The following ADGRB1 variants were observed in gnomAD, a reference collection of about 807,000 sequenced individuals.
ADGRB1 encodes adhesion G protein-coupled receptor B1, also known as brain-specific angiogenesis inhibitor 1.
Under a neutral mutation model 175.7 loss-of-function variants are expected in ADGRB1, and 36 were observed. The ratio of observed to expected loss-of-function variants is 0.20; its 90% CI spans 0.16 to 0.27. The LOEUF (loss-of-function observed/expected upper bound fraction) is 0.27. Ranked by LOEUF, ADGRB1 falls within the 10% of genes least tolerant of loss-of-function variation. The probability of loss-of-function intolerance (pLI) is 1.00; values close to 1 mark genes in which losing one functional copy is unlikely to be tolerated. For missense variants in ADGRB1, 1,731 were observed against 2,255.3 expected, an observed-to-expected ratio of 0.77 and a Z score of 4.71; for synonymous variants, 1,054 against 979.4, an observed-to-expected ratio of 1.08 and a Z score of -1.42.
Position 142,537,820 on chromosome 8 carries a change from A to G in ADGRB1, c.3666+738A>G, listed in dbSNP as rs569495383. ...CCCAACAGCCCCCTGTGGAGCCTCA[A>G]CTCTTCCACACCTCGACCTCAGCAT... On this transcript the variant is annotated intron_variant, in intron 26 of 30. Coordinates refer to ENST00000517894, the MANE Select transcript of ADGRB1 (RefSeq NM_001702.3). This position sits in a 1 kb window ranked among gnomAD's most constrained non-coding sequence, Gnocchi z 4.6. 4.6e-5 allele frequency among the ~76,000 whole-genome samples: 7 copies of G among 151,886 alleles called. No individual in the cohort carries two copies. In the South Asian group the frequency reaches 1.3e-3, roughly 27 times the overall value.
intron 2 of ADGRB1, among the ~76,000 whole-genome samples, chr8:142,467,087 G>A (rs941679160): frequency 6.6e-6 from 1 of 152,226 alleles, no homozygotes; most frequent in African/African-American, 2.4e-5. Context: ...CGCGTGGAGA[G>A]GCTGGGGCAC....
chr8:142,543,819 C>T lies in ADGRB1; in HGVS notation c.4557+111C>T, dbSNP rs1024359619. 6.4e-6 allele frequency: 7 copies of T among 1,101,410 alleles called. No individual in the cohort carries two copies. Among genetic ancestry groups the T allele is most frequent in the Admixed American group, 2.0e-5 (1 of 49,412 alleles). 68.2% of individuals were successfully genotyped at this position (1,101,410 alleles called of 1,614,324 possible). A position where few individuals can be genotyped will look rare whatever the true frequency, so the allele number is the denominator to read the frequency against. On this transcript the variant is annotated intron_variant, in intron 30 of 30. Transcript: ENST00000517894. This position sits in a 1 kb window ranked among gnomAD's most constrained non-coding sequence, Gnocchi z 4.4. The stretch of plus-strand genomic sequence containing the variant: ...CCATCCATCCATCCATCCATCCATT[C>T]GTTCATTCATTCATTCATTCGCCCA...
At chr8:142,463,261 C>T (rs1420158233) in intron 1 of ADGRB1, among the ~76,000 whole-genome samples, 1 of 152,202 alleles carries the variant, frequency 6.6e-6, no homozygotes, top group East Asian at 1.9e-4. Context: ...AAGAGAGCTT[C>T]CTGGCAGGAG....
chr8:142,516,462 G>A (rs1843442086), intron 18 of ADGRB1, among the ~76,000 whole-genome samples: 1 of 146,058 alleles, frequency 6.8e-6, no homozygotes, highest in Admixed American at 6.8e-5. Context: ...GTCTGTGCGG[G>A]CCCCAGATGT....
intron 1 of ADGRB1, among the ~76,000 whole-genome samples, chr8:142,456,820 G>A (rs1254958050): frequency 6.6e-6 from 1 of 152,268 alleles, no homozygotes; most frequent in Non-Finnish European, 1.5e-5. Flanking sequence ...CTCCTCTCAG[G>A]GGTCCTCGAG....
chr8:142,543,448 G>C lies in ADGRB1; in HGVS notation c.4449+10G>C. ...AGAACTGGACTTTGAGGTGAGTTCT[G>C]GTGTCCCCCCCCACCAGACACTTAG... On this transcript the variant is annotated intron_variant, in intron 29 of 30. Transcript: ENST00000517894. This position sits in a 1 kb window ranked among gnomAD's most constrained non-coding sequence, Gnocchi z 4.4. 6.2e-7 allele frequency: 1 copy of C among 1,613,642 alleles called. No individual in the cohort carries two copies. The highest frequency in any genetic ancestry group is 8.5e-7 in the Non-Finnish European group (1 of 1,179,754).
At chr8:142,539,147 C>T (rs1030646765) in intron 26 of ADGRB1, among the ~76,000 whole-genome samples, 4 of 152,202 alleles carry the variant, frequency 2.6e-5, no homozygotes, top group African/African-American at 4.8e-5. Context: ...TCCACAAACA[C>T]GCACGCATAC....
intron 24 of ADGRB1, among the ~76,000 whole-genome samples, chr8:142,530,104 TGC>T (rs1481815159): frequency 6.6e-6 from 1 of 152,020 alleles, no homozygotes; most frequent in Admixed American, 6.5e-5. Flanking sequence ...CTTGATATTT[TGC>T]GTTAGTGTGT....
chr8:142,521,764 C>T (rs2132130782), intron 20 of ADGRB1, among the ~76,000 whole-genome samples: 1 of 152,344 alleles, frequency 6.6e-6, no homozygotes, highest in East Asian at 1.9e-4. Context: ...ATCTGTTTGT[C>T]CCAACGGGGC....
In ADGRB1 at chr8:142,542,486, C is replaced by T; in HGVS notation, c.4252C>T (p.Pro1418Ser). 1 of 1,331,472 alleles carries T rather than the reference C, an allele frequency of 7.5e-7. No homozygotes were observed. The highest frequency in any genetic ancestry group is 9.8e-7 in the Non-Finnish European group (1 of 1,025,052). 82.5% of individuals were successfully genotyped at this position (1,331,472 alleles called of 1,614,324 possible). ...CCAGCCCCCACCGCCTCCGCCCCCA[C>T]CGCCACCACCTCCCCAGCAGCCCCT... ...PAQPPPPPPP[P>S]PPPPQQPLPP... The change falls in exon 28 of 31, where the codon CCG becomes TCG. Residue 1418 changes from proline to serine, a missense_variant. This residue lies in a region of ADGRB1 where 394 missense variants were observed against 410.2 expected (regional missense o/e 0.96). Transcript: ENST00000517894. The surrounding 1 kb of genome is among the most constrained non-coding windows in gnomAD (Gnocchi z 6.3).
chr8:142,511,058 G>A lies in ADGRB1; in HGVS notation c.2802G>A (p.Gln934=), dbSNP rs1389867026. 3 of 1,228,844 alleles carry A rather than the reference G, an allele frequency of 2.4e-6. No individual in the cohort carries two copies. The highest frequency in any genetic ancestry group is 9.5e-5 in the East Asian group (2 of 21,052). The allele number at this position is 1,228,844 out of a possible 1,614,324, so 76.1% of individuals were successfully genotyped here. A position where few individuals can be genotyped will look rare whatever the true frequency, so the allele number is the denominator to read the frequency against. ...DRLSTFAILA[Q]LSADANMEKA... The stretch of plus-strand genomic sequence containing the variant: ...TCTCCACCTTCGCCATCTTAGCCCA[G>A]CTCAGCGCCGACGCGGTGAGACCCC... The change falls in exon 18 of 31, where the codon CAG becomes CAA. Residue 934 remains glutamine, a synonymous_variant. Coordinates refer to ENST00000517894, the MANE Select transcript of ADGRB1 (RefSeq NM_001702.3). This position sits in a 1 kb window ranked among gnomAD's most constrained non-coding sequence, Gnocchi z 4.5.
chr8:142,506,786 A>C (rs866341848), intron 17 of ADGRB1, among the ~76,000 whole-genome samples: 1 of 152,212 alleles, frequency 6.6e-6, no homozygotes, highest in Middle Eastern at 3.2e-3. Flanking sequence ...CATGCATCCA[A>C]GATGCACACA....
At chr8:142,479,541 C>A (rs1270033321) in intron 8 of ADGRB1, 54 bp downstream of exon 8, 3 of 1,505,504 alleles carry the variant, frequency 2.0e-6, no homozygotes, top group African/African-American at 2.8e-5. Flanking sequence ...GGCGATTGGG[C>A]GGGCTTGGGC....
intron 1 of ADGRB1, among the ~76,000 whole-genome samples, chr8:142,461,996 T>C (rs1231601862): frequency 1.3e-5 from 2 of 151,896 alleles, no homozygotes; most frequent in Admixed American, 6.6e-5. Context: ...AGCCGCTCCC[T>C]CTCCATGAGA....
At chr8:142,497,106 T>C (rs530302849) in intron 17 of ADGRB1, among the ~76,000 whole-genome samples, 4 of 152,346 alleles carry the variant, frequency 2.6e-5, no homozygotes, top group African/African-American at 9.6e-5. Context: ...CTCACACGTC[T>C]TTATTAACCG....
intron 2 of ADGRB1, among the ~76,000 whole-genome samples, chr8:142,470,856 C>T (rs1840623045): frequency 1.3e-5 from 2 of 152,178 alleles, no homozygotes; most frequent in African/African-American, 4.8e-5. Context: ...ACCCCACACT[C>T]ACTCTGGAGG....
chr8:142,481,468 G>A, intron 10 of ADGRB1, 49 bp from the exon 11 acceptor site: 2 of 1,577,812 alleles, frequency 1.3e-6, no homozygotes, highest in African/African-American at 2.7e-5. Context: ...GTGGCTGCCT[G>A]GACATGTTCC....
chr8:142,489,878 C>G (rs750079882), intron 16 of ADGRB1, among the ~76,000 whole-genome samples: 1 of 152,234 alleles, frequency 6.6e-6, no homozygotes, highest in African/African-American at 2.4e-5. Context: ...AGCGTCCCCC[C>G]AGAACTCCCT....
chr8:142,476,728 G>C, intron 4 of ADGRB1, 33 bp downstream of exon 4: 2 of 1,513,232 alleles, frequency 1.3e-6, no homozygotes, highest in Non-Finnish European at 1.8e-6. Context: ...GGTGGGACTA[G>C]GGCTTTGGGA....
Sources: gnomAD v4.1 joint callset for allele counts (sites outside exome capture counted in the v4.1 genomes callset) on GRCh38, gnomAD v4.1.1 for gene constraint, gnomAD v4.1.1 regional missense constraint, Gnocchi (gnomAD v3.1) non-coding constraint, MANE v1.5 for transcripts, NCBI Gene and HGNC (gene_info 2026-07-23, HGNC 2026-07-21) for gene names.